The following IAPP variants were observed in gnomAD, a reference collection of about 807,000 sequenced individuals.
IAPP encodes the protein Islet amyloid polypeptide (diabetes-associated peptide; amylin).
In IAPP, 4 loss-of-function variants were observed where a neutral mutation model predicts 2.9. The ratio of observed to expected loss-of-function variants is 1.39; its 90% confidence interval spans 0.69 to 3.19. IAPP has a LOEUF of 3.19. Among genes scored for constraint, IAPP ranks in the 30% most tolerant of loss-of-function variants. IAPP has a pLI of 0.01. For missense variants in IAPP, 114 were observed against 105.3 expected, an observed-to-expected ratio of 1.08 and a Z score of -0.36; for synonymous variants, 40 against 42.1, an observed-to-expected ratio of 0.95 and a Z score of 0.19.
chr12:21,359,335 A>G (rs1215088472), intron 1 of IAPP, among the ~76,000 whole-genome samples: 2 of 152,282 alleles, frequency 1.3e-5, no homozygotes, highest in African/African-American at 4.8e-5. Flanking sequence ...AAAAACAGGG[A>G]AAATCAACTA....
rs369714240 is a variant in IAPP, at chr12:21,378,307, C to G, written c.151C>G (p.His51Asp). ...GCAGCGCCTGGCAAATTTTTTAGTT[C>G]ATTCCAGCAACAACTTTGGTGCCAT... ...ATQRLANFLV[H>D]SSNNFGAILS... Residue 51 changes from histidine (H) to aspartate (D), a missense_variant, in exon 3 of 3, where the codon CAT becomes GAT. His to Asp is a moderately conservative substitution (Grantham distance 81, BLOSUM62 -1). Transcript: ENST00000240652. The G allele has an allele frequency of 3.6e-5, 58 of 1,614,046 alleles. No homozygotes were observed. The highest frequency in any genetic ancestry group is 3.3e-4 in the Middle Eastern group (2 of 6,084).
chr12:21,362,879 A>C (rs1404337845), intron 1 of IAPP, among the ~76,000 whole-genome samples: 4 of 152,228 alleles, frequency 2.6e-5, no homozygotes, highest in African/African-American at 7.2e-5. Context: ...ATACAGGAGC[A>C]CCCAGATTCA....
At chr12:21,373,991 T>C (rs1939998512) in intron 2 of IAPP, among the ~76,000 whole-genome samples, 2 of 152,218 alleles carry the variant, frequency 1.3e-5, no homozygotes, top group Admixed American at 1.3e-4. Flanking sequence ...TTGGGGGATT[T>C]ATTCTATATT....
At chr12:21,376,032 T>G (rs1940170462) in intron 2 of IAPP, among the ~76,000 whole-genome samples, 1 of 152,158 alleles carries the variant, frequency 6.6e-6, no homozygotes, top group Admixed American at 6.5e-5. Flanking sequence ...ATGAAAAGTC[T>G]TTTTTAGAAA....
At chr12:21,376,490 AT>A (rs1407059873) in intron 2 of IAPP, 1 of 179,558 alleles carries the variant, frequency 5.6e-6, no homozygotes. Context: ...AATTGAACAG[AT>A]AGTGTGAATG....
chr12:21,360,258 G>A (rs149294814), intron 1 of IAPP, among the ~76,000 whole-genome samples: 26 of 152,298 alleles, frequency 1.7e-4, no homozygotes, highest in African/African-American at 5.3e-4. Flanking sequence ...AGGAGTGTGT[G>A]CATTGGCCAA....
rs1437180853 is a variant in IAPP at position 21,378,526 on chromosome 12, T to A, written c.*100T>A. 2 of 1,002,538 alleles carry A rather than the reference T, an allele frequency of 2.0e-6. No individual in the cohort carries two copies. The highest frequency in any genetic ancestry group is 3.6e-5 in the Admixed American group (2 of 55,618). 62.1% of individuals were successfully genotyped at this position (1,002,538 alleles called of 1,614,324 possible). On this transcript the variant is annotated 3_prime_UTR_variant, in exon 3 of 3. Coordinates refer to ENST00000240652, the MANE Select transcript of IAPP (RefSeq NM_000415.3). ...CTCCAGTGTGAATATATGGTCTGTG[T>A]GTCTGATGTTTGTTGCTAGGACATA...
chr12:21,361,747 T>A (rs949863270), intron 1 of IAPP, among the ~76,000 whole-genome samples: 2 of 152,134 alleles, frequency 1.3e-5, no homozygotes, highest in Non-Finnish European at 2.9e-5. Flanking sequence ...ACGTGACGCA[T>A]GTACAAGCTT....
intron 1 of IAPP, among the ~76,000 whole-genome samples, chr12:21,362,419 C>T (rs918662588): frequency 6.6e-6 from 1 of 152,182 alleles, no homozygotes; most frequent in African/African-American, 2.4e-5. Flanking sequence ...TGGAAAGGAA[C>T]AACCGGTACG....
At chr12:21,359,182 T>A (rs960973430) in intron 1 of IAPP, among the ~76,000 whole-genome samples, 4 of 152,066 alleles carry the variant, frequency 2.6e-5, no homozygotes, top group African/African-American at 9.7e-5. Context: ...AGAAAGACCA[T>A]CCCCGCATAC....
rs760037340 is a variant in IAPP, at chr12:21,379,537, G to C, written c.*1111G>C. 2 of 152,174 alleles carry C rather than the reference G, an allele frequency of 1.3e-5. No homozygotes were observed. Among genetic ancestry groups the C allele is most frequent in the Non-Finnish European group, 2.9e-5 (2 of 68,022 alleles). The allele number at this position is 152,174 out of a possible 1,614,324, so 9.4% of individuals were successfully genotyped here. On this transcript the variant is annotated 3_prime_UTR_variant, in exon 3 of 3. Coordinates refer to ENST00000240652, the MANE Select transcript of IAPP (RefSeq NM_000415.3). ...TTTGTTTAACAAATTAGACATTTCT[G>C]GCAGAGGTTATGTATATGATACACT...
chr12:21,378,479 A>T lies in IAPP; in HGVS notation c.*53A>T, dbSNP rs1735586408. ...TTTATGTTCTAGTGATTTCCTGTAT[A>T]ATTTAACAGTGCCCTTTTCATCTCC... On this transcript the variant is annotated 3_prime_UTR_variant, in exon 3 of 3. Transcript: ENST00000240652. The T allele has an allele frequency of 5.6e-6, 8 of 1,428,970 alleles. No individual in the cohort carries two copies. The highest frequency in any genetic ancestry group is 7.9e-6 in the Non-Finnish European group (8 of 1,011,574). 88.5% of individuals were successfully genotyped at this position (1,428,970 alleles called of 1,614,324 possible).
At chr12:21,369,212 G>A (rs1164002030), upstream of IAPP, among the ~76,000 whole-genome samples, 1 of 152,078 alleles carries the variant, frequency 6.6e-6, no homozygotes, top group African/African-American at 2.4e-5. Flanking sequence ...ATTATATCCT[G>A]ACACTCATGT....
At chr12:21,355,779 A>T (rs1222858700) in intron 1 of IAPP, among the ~76,000 whole-genome samples, 4 of 152,222 alleles carry the variant, frequency 2.6e-5, no homozygotes, top group African/African-American at 9.6e-5. Flanking sequence ...TAAGTTTAAA[A>T]GAAAATTTGT....
At chr12:21,368,864 G>T (rs558718160), upstream of IAPP, among the ~76,000 whole-genome samples, 3 of 152,094 alleles carry the variant, frequency 2.0e-5, no homozygotes, top group Non-Finnish European at 4.4e-5. Context: ...GAGAAGAAAA[G>T]TGAGGAGAGC....
chr12:21,376,045 C>A (rs1436421947), intron 2 of IAPP, among the ~76,000 whole-genome samples: 1 of 152,082 alleles, frequency 6.6e-6, no homozygotes, highest in Non-Finnish European at 1.5e-5. Context: ...TTTAGAAAAG[C>A]AATTTCACAA....
chr12:21,359,551 C>G (rs1330275457), intron 1 of IAPP, among the ~76,000 whole-genome samples: 1 of 152,116 alleles, frequency 6.6e-6, no homozygotes, highest in Admixed American at 6.5e-5. Context: ...ATGTAACACC[C>G]AATCAACATT....
rs1940351821 is a variant in IAPP at position 21,378,274 on chromosome 12, T to C, written c.118T>C (p.Cys40Arg). 8 of 1,614,216 alleles carry C rather than the reference T, an allele frequency of 5.0e-6. No homozygotes were observed. The highest frequency in any genetic ancestry group is 1.1e-5 in the South Asian group (1 of 91,078). Reference protein sequence around the residue: ...VEKRKCNTATCATQRLANFLV... With the variant: ...VEKRKCNTATRATQRLANFLV... ...AAAGCGGAAATGCAACACTGCCACATGTGCAACGCAGCGCCTGGCAAATTT... is the reference window on the plus strand; with the variant it reads ...AAAGCGGAAATGCAACACTGCCACACGTGCAACGCAGCGCCTGGCAAATTT... The change falls in exon 3 of 3, where the codon TGT (cysteine) becomes CGT (arginine). Residue 40 changes from cysteine to arginine, a missense_variant. Coordinates refer to ENST00000240652, the MANE Select transcript of IAPP (RefSeq NM_000415.3).
intron 2 of IAPP, chr12:21,373,666 G>T: frequency 5.7e-6 from 4 of 701,364 alleles, no homozygotes; most frequent in Non-Finnish European, 7.8e-6. Context: ...TTCCAGTTTT[G>T]TCAAGAAATA....
Sources: allele counts gnomAD v4.1 joint callset (sites outside exome capture counted in the v4.1 genomes callset), GRCh38; gene constraint gnomAD v4.1.1; transcripts MANE v1.5; gene names NCBI Gene and HGNC (gene_info 2026-07-23, HGNC 2026-07-21).